Variants in PCSK5 observed in about 807,000 individuals in gnomAD.
PCSK5 encodes the protein proprotein convertase subtilisin/kexin type 5, also known as prohormone convertase 5.
Under a neutral mutation model 233.2 loss-of-function variants are expected in PCSK5, and 129 were observed. The observed-to-expected ratio is 0.55, with a 90% confidence interval of 0.48 to 0.64. The LOEUF is 0.64. PCSK5 is among the 30% of genes least tolerant of loss of function. The pLI, the probability that PCSK5 is intolerant of heterozygous loss-of-function variation, is 0.00. For missense variants in PCSK5, 2,076 were observed against 2,430.1 expected (o/e 0.85, Z 3.06); for synonymous variants, 825 against 879.2 (o/e 0.94, Z 1.09).
chr9:76,212,267 C>T (rs1421162150), intron 20 of PCSK5, among the ~76,000 whole-genome samples: 1 of 152,098 alleles, frequency 6.6e-6, no homozygotes, highest in Non-Finnish European at 1.5e-5. Flanking sequence ...GAAAGGCACT[C>T]CTGATTGCTT....
At chr9:76,293,144 T>C (rs1828329038) in intron 25 of PCSK5, among the ~76,000 whole-genome samples, 2 of 144,898 alleles carry the variant, frequency 1.4e-5, no homozygotes, top group South Asian at 4.4e-4. Flanking sequence ...CCTCCTCTTG[T>C]CACATTGCCT....
intron 24 of PCSK5, among the ~76,000 whole-genome samples, chr9:76,244,405 T>C (rs564801738): frequency 1.3e-5 from 2 of 152,144 alleles, no homozygotes; most frequent in African/African-American, 4.8e-5. Context: ...AGGGACATCA[T>C]CCTTTGGAGA....
At chr9:76,164,114 AT>A (rs201418508) in intron 12 of PCSK5, among the ~76,000 whole-genome samples, 2,263 of 152,198 alleles carry the variant, frequency 0.015, 76 homozygotes, top group African/African-American at 0.051. Flanking sequence ...TGCTTCAGTC[AT>A]TTCTGTCACT....
chr9:75,936,862 A>G (rs1187277082), intron 2 of PCSK5, among the ~76,000 whole-genome samples: 1 of 152,226 alleles, frequency 6.6e-6, no homozygotes, highest in Non-Finnish European at 1.5e-5. Flanking sequence ...AACACTATCT[A>G]TCAGAGCAGT....
intron 24 of PCSK5, among the ~76,000 whole-genome samples, chr9:76,263,341 C>T (rs1383340329): frequency 5.3e-5 from 8 of 152,078 alleles, no homozygotes; most frequent in South Asian, 2.1e-4. Context: ...ATGTTTATTG[C>T]GGCTCTATTC....
intron 12 of PCSK5, among the ~76,000 whole-genome samples, chr9:76,161,081 T>C (rs896753745): frequency 2.6e-5 from 4 of 152,242 alleles, no homozygotes; most frequent in African/African-American, 9.6e-5. Flanking sequence ...GCCCGGAATC[T>C]GAAATCTTCA....
chr9:76,175,235 T>TC (rs1554699748), intron 14 of PCSK5, 106 bp downstream of exon 14: 68 of 306,558 alleles, frequency 2.2e-4, no homozygotes, highest in Admixed American at 1.4e-3. Context: ...TGGAATGGAA[T>TC]GAAATGGAAT....
chr9:76,096,176 A>AAC, intron 8 of PCSK5, 74 bp downstream of exon 8: 2 of 810,858 alleles, frequency 2.5e-6, no homozygotes, highest in Non-Finnish European at 4.0e-6. Flanking sequence ...GAGAACCATA[A>AAC]ACATATATAT....
At chr9:76,322,028 C>A (rs1169845264) in intron 31 of PCSK5, among the ~76,000 whole-genome samples, 5 of 152,156 alleles carry the variant, frequency 3.3e-5, no homozygotes, top group South Asian at 2.1e-4. Flanking sequence ...CAGCTCACTG[C>A]AACTTCTGCC....
intron 14 of PCSK5, 106 bp downstream of exon 14, chr9:76,175,235 TGAAA>T (rs1823530555): frequency 6.7e-6 from 2 of 299,234 alleles, no homozygotes; most frequent in African/African-American, 6.5e-5. Context: ...TGGAATGGAA[TGAAA>T]TGGAATGGAA....
intron 10 of PCSK5, among the ~76,000 whole-genome samples, chr9:76,138,555 A>AC (rs1270026640): frequency 6.6e-6 from 1 of 151,636 alleles, no homozygotes; most frequent in East Asian, 1.9e-4. Flanking sequence ...AAATCCACTG[A>AC]CCTCTCCCAC....
intron 19 of PCSK5, 53 bp from the exon 20 acceptor site, chr9:76,189,578 C>A (rs1037033171): frequency 2.7e-6 from 3 of 1,092,050 alleles, no homozygotes; most frequent in Non-Finnish European, 4.2e-6. Context: ...AGTAAACACA[C>A]CTTCCCCTGT....
intron 1 of PCSK5, among the ~76,000 whole-genome samples, chr9:75,928,829 A>G (rs918581746): frequency 2.0e-5 from 3 of 151,712 alleles, no homozygotes; most frequent in Non-Finnish European, 4.4e-5. Flanking sequence ...ATTTTTGCTG[A>G]AATTAGCCTT....
At chr9:76,287,431 C>T in intron 24 of PCSK5, 1 of 162,910 alleles carries the variant, frequency 6.1e-6, no homozygotes. Flanking sequence ...CTCTTCTCTT[C>T]TCTGACATCT....
intron 10 of PCSK5, 123 bp from the exon 11 acceptor site, chr9:76,156,922 C>T (rs1414852873): frequency 1.2e-5 from 8 of 694,482 alleles, no homozygotes; most frequent in Non-Finnish European, 1.8e-5. Flanking sequence ...GGATTTATTT[C>T]TCAAATCATT....
chr9:76,333,300 C>T (rs1445512204), intron 34 of PCSK5, among the ~76,000 whole-genome samples: 1 of 152,212 alleles, frequency 6.6e-6, no homozygotes, highest in Non-Finnish European at 1.5e-5. Flanking sequence ...AGGACTTGTT[C>T]TGATTCAGAT....
intron 13 of PCSK5, among the ~76,000 whole-genome samples, chr9:76,173,649 C>T (rs1341105749): frequency 6.6e-6 from 1 of 151,644 alleles, no homozygotes; most frequent in Admixed American, 6.6e-5. Context: ...GAAACACTTG[C>T]CTCAGGTCTC....
intron 2 of PCSK5, among the ~76,000 whole-genome samples, chr9:75,982,931 G>A (rs779444931): frequency 3.3e-5 from 5 of 151,928 alleles, no homozygotes; most frequent in East Asian, 3.9e-4. Flanking sequence ...TGATTCATTC[G>A]TTCTGACCTA....
intron 3 of PCSK5, among the ~76,000 whole-genome samples, chr9:76,019,676 T>C (rs1382294691): frequency 1.3e-5 from 2 of 152,120 alleles, no homozygotes; most frequent in Admixed American, 6.5e-5. Context: ...CATTGAGCTG[T>C]GAGATGTTTA....
Sources: allele counts gnomAD v4.1 joint callset (sites outside exome capture counted in the v4.1 genomes callset), GRCh38; gene constraint gnomAD v4.1.1; transcripts MANE v1.5; gene names NCBI Gene and HGNC (gene_info 2026-07-23, HGNC 2026-07-21).